The following PTPRT variants were observed in gnomAD, a reference collection of about 807,000 sequenced individuals.
PTPRT encodes protein tyrosine phosphatase receptor type T.
PTPRT carries 56 observed loss-of-function variants against 176.8 expected under a neutral mutation model. That is an observed-to-expected ratio of 0.32 (90% CI 0.26 to 0.40). The LOEUF is 0.40. Ranked by LOEUF, PTPRT falls within the 10% of genes least tolerant of loss-of-function variation. The pLI is 1.00. For synonymous variants in PTPRT, 783 were observed against 739.0 expected (o/e 1.06, Z -0.96); for missense variants, 1,540 against 1,908.2 (o/e 0.81, Z 3.60).
Position 42,141,751 on chromosome 20 carries a change from G to C in PTPRT, c.2770+164C>G, listed in dbSNP as rs183202994. On this transcript the variant is annotated intron_variant, in intron 18 of 30. Transcript: ENST00000373187. Reference sequence around the variant, plus strand: ...GCCATGCTCTGTCATCCAGTCTAGGGATGGCAGTAAGGCTGATATAAAGCT... The same window carrying C: ...GCCATGCTCTGTCATCCAGTCTAGGCATGGCAGTAAGGCTGATATAAAGCT... Among the ~76,000 whole-genome samples, 54 of 152,330 alleles carry C rather than the reference G, an allele frequency of 3.5e-4. No homozygotes were observed. In the East Asian group the frequency reaches 9.8e-3, roughly 28 times the overall value.
At chr20:42,810,298 C>T (rs369291186) in intron 2 of PTPRT, among the ~76,000 whole-genome samples, 1 of 151,988 alleles carries the variant, frequency 6.6e-6, no homozygotes, top group East Asian at 1.9e-4. Context: ...GAGGCTCCAT[C>T]AACCAAAAAA....
chr20:42,252,985 T>C (rs2056573373), intron 13 of PTPRT, among the ~76,000 whole-genome samples: 1 of 152,244 alleles, frequency 6.6e-6, no homozygotes, highest in Admixed American at 6.5e-5. Flanking sequence ...TGGCACTCTT[T>C]AGGGGAACTT....
intron 16 of PTPRT, among the ~76,000 whole-genome samples, chr20:42,180,087 G>A (rs760935818): frequency 6.6e-6 from 1 of 152,186 alleles, no homozygotes; most frequent in Non-Finnish European, 1.5e-5. Context: ...ACCCCAGAAG[G>A]CTAGGCTAGT....
chr20:43,112,935 C>T (rs569370211), intron 1 of PTPRT, among the ~76,000 whole-genome samples: 3 of 151,970 alleles, frequency 2.0e-5, no homozygotes, highest in Non-Finnish European at 4.4e-5. Flanking sequence ...ATGATATAAA[C>T]GTATCTCCTG....
chr20:43,131,623 G>A (rs913116844), intron 1 of PTPRT, among the ~76,000 whole-genome samples: 10 of 152,050 alleles, frequency 6.6e-5, no homozygotes, highest in African/African-American at 2.2e-4. Context: ...AGGCCTAGAT[G>A]GATTCATAGG....
At chr20:42,509,897 G>A (rs1447766240) in intron 7 of PTPRT, among the ~76,000 whole-genome samples, 2 of 152,046 alleles carry the variant, frequency 1.3e-5, no homozygotes, top group African/African-American at 4.8e-5. Context: ...CCACCCACAG[G>A]GACCTCTGAT....
chr20:43,153,381 C>G (rs2146425495), intron 1 of PTPRT, among the ~76,000 whole-genome samples: 1 of 152,254 alleles, frequency 6.6e-6, no homozygotes, highest in Middle Eastern at 3.4e-3. Context: ...GAAATTTTTA[C>G]TTATTTTCCA....
intron 12 of PTPRT, among the ~76,000 whole-genome samples, chr20:42,302,674 G>T (rs2057487348): frequency 6.6e-6 from 1 of 152,182 alleles, no homozygotes; most frequent in African/African-American, 2.4e-5. Flanking sequence ...TTCGCTGAGG[G>T]CAGGAACTGT....
At chr20:42,149,112 G>T (rs1303593944) in intron 17 of PTPRT, among the ~76,000 whole-genome samples, 2 of 152,202 alleles carry the variant, frequency 1.3e-5, no homozygotes, top group Non-Finnish European at 2.9e-5. Context: ...TCCAGGAGGT[G>T]TGTCCCTGCT....
At chr20:42,509,609 C>A in intron 7 of PTPRT, among the ~76,000 whole-genome samples, 1 of 147,938 alleles carries the variant, frequency 6.8e-6, no homozygotes, top group Non-Finnish European at 1.5e-5. Context: ...TATCAATGCC[C>A]GATATAGAAT....
chr20:42,992,345 C>T (rs145383570), intron 1 of PTPRT, among the ~76,000 whole-genome samples: 3 of 152,308 alleles, frequency 2.0e-5, no homozygotes, highest in African/African-American at 7.2e-5. Flanking sequence ...CAATGCACAT[C>T]CATGTTGCCT....
chr20:42,664,747 T>A (rs1487645281), intron 7 of PTPRT, among the ~76,000 whole-genome samples: 1 of 152,084 alleles, frequency 6.6e-6, no homozygotes, highest in Non-Finnish European at 1.5e-5. Context: ...ATATAAATTT[T>A]AAAAGTCACC....
chr20:42,551,197 T>C (rs1360767926), intron 7 of PTPRT, among the ~76,000 whole-genome samples: 1 of 152,162 alleles, frequency 6.6e-6, no homozygotes, highest in Admixed American at 6.6e-5. Flanking sequence ...TTATGCATAT[T>C]AGACGTTTTA....
chr20:43,118,814 A>G (rs1036618350), intron 1 of PTPRT, among the ~76,000 whole-genome samples: 7 of 152,220 alleles, frequency 4.6e-5, no homozygotes, highest in African/African-American at 1.7e-4. Context: ...CAGCTAGTAC[A>G]TGGTAAAGCT....
At chr20:42,769,179 G>A (rs1050884665) in intron 5 of PTPRT, among the ~76,000 whole-genome samples, 46 of 152,324 alleles carry the variant, frequency 3.0e-4, no homozygotes, top group African/African-American at 9.9e-4. Context: ...GGTATTTCAC[G>A]CTGCTGTGCT....
chr20:42,547,318 T>C (rs1373817268), intron 7 of PTPRT, among the ~76,000 whole-genome samples: 1 of 152,152 alleles, frequency 6.6e-6, no homozygotes, highest in African/African-American at 2.4e-5. Context: ...ATTTTCTATA[T>C]CCTTGTAAGT....
intron 19 of PTPRT, among the ~76,000 whole-genome samples, chr20:42,128,334 G>T (rs931013766): frequency 6.6e-6 from 1 of 151,768 alleles, no homozygotes; most frequent in African/African-American, 2.4e-5. Flanking sequence ...TTATTGATGT[G>T]CACATTATCT....
At chr20:42,593,553 T>C (rs1445481487) in intron 7 of PTPRT, among the ~76,000 whole-genome samples, 1 of 152,214 alleles carries the variant, frequency 6.6e-6, no homozygotes, top group Non-Finnish European at 1.5e-5. Context: ...AAACCAGATT[T>C]GGTGGAAAGT....
At chr20:42,672,658 G>A (rs1390604874) in intron 7 of PTPRT, among the ~76,000 whole-genome samples, 2 of 152,166 alleles carry the variant, frequency 1.3e-5, no homozygotes, top group Non-Finnish European at 2.9e-5. Flanking sequence ...CTGAACTCCA[G>A]CCTACTGGGC....
Sources: gnomAD v4.1 joint callset for allele counts (sites outside exome capture counted in the v4.1 genomes callset) on GRCh38, gnomAD v4.1.1 for gene constraint, MANE v1.5 for transcripts, NCBI Gene and HGNC (gene_info 2026-07-23, HGNC 2026-07-21) for gene names.